Variants in DNAH5 observed in about 807,000 individuals in gnomAD.
The protein encoded by DNAH5 is axonemal beta dynein heavy chain 5.
In DNAH5, 372 loss-of-function variants were observed where a neutral mutation model predicts 518.2. The observed-to-expected ratio is 0.72, with a 90% confidence interval of 0.66 to 0.78. DNAH5 has a LOEUF of 0.78. Among genes scored for constraint, DNAH5 ranks in the 30% least tolerant of loss-of-function variants. DNAH5 has a pLI of 0.00. For synonymous variants in DNAH5, 2,039 were observed against 2,025.9 expected, an observed-to-expected ratio of 1.01 and a Z score of -0.17; for missense variants, 5,523 against 5,687.0, an observed-to-expected ratio of 0.97 and a Z score of 0.93.
intron 7 of DNAH5, among the ~76,000 whole-genome samples, chr5:13,918,398 T>C (rs1374292063): frequency 6.6e-6 from 1 of 152,078 alleles, no homozygotes; most frequent in African/African-American, 2.4e-5. Context: ...ATACCCAGAG[T>C]CAGAGGCACC....
In DNAH5 at chr5:13,756,469, G is replaced by T. The variant is rs555973726; in HGVS notation, c.10420-2131C>A. Among the ~76,000 whole-genome samples the T allele has an allele frequency of 2.1e-4, 32 of 152,262 alleles. No individual in the cohort carries two copies. The South Asian group carries it at 6.6e-3, about 32-fold the overall frequency. On this transcript the variant is annotated intron_variant, in intron 61 of 78. Transcript: ENST00000265104. The stretch of plus-strand genomic sequence containing the variant: ...ATAGCAGATGCTCAAAAACAATAAA[G>T]CTTGCTGAATGAGTTAAGGTAAAAA...
At chr5:13,934,995 G>A (rs1038116953) in intron 1 of DNAH5, among the ~76,000 whole-genome samples, 4 of 152,188 alleles carry the variant, frequency 2.6e-5, no homozygotes, top group Admixed American at 6.5e-5. Flanking sequence ...TTTTCTCTAA[G>A]TGATCACTCT....
Position 13,871,731 on chromosome 5 carries a change from TA to T in DNAH5, c.3430del (p.Tyr1144ThrfsTer36). The T allele has an allele frequency of 1.2e-6, 2 of 1,613,704 alleles. No homozygotes were observed. The highest frequency in any genetic ancestry group is 1.7e-6 in the Non-Finnish European group (2 of 1,179,746). On this transcript the variant is annotated frameshift_variant, in exon 23 of 79. Transcript: ENST00000265104. LOFTEE classifies it high-confidence loss of function. ...VITSMDCFKR[Y>X]NHIWQKGKEE... ...TTTTCCCTTTTGCCAAATGTGATTG[TA>T]GCGTTTGAAGCAATCCATGGATGTA...
chr5:13,887,683 C>G (rs1772625741), intron 17 of DNAH5, among the ~76,000 whole-genome samples: 1 of 152,214 alleles, frequency 6.6e-6, no homozygotes, highest in South Asian at 2.1e-4. Flanking sequence ...TTCACCCTTA[C>G]TCCCTGGTTC....
chr5:13,951,467 G>A lies in DNAH5; in HGVS notation c.13-20223C>T, dbSNP rs960045334. Among the ~76,000 whole-genome samples the A allele has an allele frequency of 5.3e-5, 8 of 151,852 alleles. No individual in the cohort carries two copies. The East Asian group carries it at 1.4e-3, about 26-fold the overall frequency. On this transcript the variant is annotated intron_variant, in intron 1 of 78. Transcript: ENST00000681290. ...ACTCCTGGACTCGAGCAATCCTCCC[G>A]CCTCAGCCTCCCGAGGTGCTGTGAT... is the stretch of plus-strand genomic sequence containing the variant.
At chr5:13,858,502 G>T (rs1001249914) in intron 30 of DNAH5, among the ~76,000 whole-genome samples, 1 of 152,042 alleles carries the variant, frequency 6.6e-6, no homozygotes, top group African/African-American at 2.4e-5. Context: ...AACCACCATG[G>T]CACCTGTATT....
At chr5:13,833,493 C>CAAT (rs1309670069) in intron 35 of DNAH5, among the ~76,000 whole-genome samples, 41 of 118,548 alleles carry the variant, frequency 3.5e-4, no homozygotes, top group Non-Finnish European at 8.7e-5. Context: ...ACAGTGATAG[C>CAAT]AAGAATAATA....
intron 1 of DNAH5, among the ~76,000 whole-genome samples, chr5:13,973,307 A>G (rs1450202797): frequency 6.6e-6 from 1 of 152,254 alleles, no homozygotes; most frequent in Non-Finnish European, 1.5e-5. Context: ...TTAGCCCGGT[A>G]AAACTGACTT....
At chr5:13,771,444 A>G (rs905501731) in intron 55 of DNAH5, among the ~76,000 whole-genome samples, 7 of 152,118 alleles carry the variant, frequency 4.6e-5, no homozygotes, top group African/African-American at 1.7e-4. Flanking sequence ...TCATCACTAA[A>G]TTTTTTTATG....
At position 13,706,219 on chromosome 5, in the gene DNAH5, C is replaced by G. The variant is rs1340767800; in HGVS notation, c.13338+1904G>C. 2.0e-5 allele frequency among the ~76,000 whole-genome samples: 3 copies of G among 152,200 alleles called. No individual in the cohort carries two copies. The East Asian group carries it at 5.8e-4, about 29-fold the overall frequency. On this transcript the variant is annotated intron_variant, in intron 76 of 78. Transcript: ENST00000265104. ...TTCATTCACATGCATAACTTGAGAT[C>G]TCAAAGGGGTGAATCCTGTTGCCTT...
intron 31 of DNAH5, among the ~76,000 whole-genome samples, chr5:13,845,656 C>G (rs1451875078): frequency 6.6e-6 from 1 of 152,050 alleles, no homozygotes; most frequent in Non-Finnish European, 1.5e-5. Flanking sequence ...TATGTGTATT[C>G]TGTTGTTTTC....
At chr5:13,778,458 C>T (rs540814552) in intron 53 of DNAH5, among the ~76,000 whole-genome samples, 13 of 104,234 alleles carry the variant, frequency 1.2e-4, no homozygotes, top group East Asian at 3.1e-4. Flanking sequence ...CTAGAAAGAA[C>T]GAAAGAGAGA....
chr5:13,976,663 T>C (rs904953955), intron 1 of DNAH5, among the ~76,000 whole-genome samples: 2 of 149,338 alleles, frequency 1.3e-5, no homozygotes, highest in Non-Finnish European at 3.0e-5. Context: ...GGTATGTATG[T>C]ATAGAAAAAA....
intron 1 of DNAH5, among the ~76,000 whole-genome samples, chr5:13,998,929 T>C (rs1177839844): frequency 6.6e-6 from 1 of 152,228 alleles, no homozygotes; most frequent in Non-Finnish European, 1.5e-5. Flanking sequence ...TGGAGTGCAG[T>C]GGCTCAATCT....
chr5:13,700,583 G>T, intron 78 of DNAH5, 57 bp downstream of exon 78: 1 of 1,472,658 alleles, frequency 6.8e-7, no homozygotes, highest in South Asian at 1.1e-5. Flanking sequence ...ATCCTGTGTT[G>T]ATAATGTCAT....
chr5:13,876,892 T>A lies in DNAH5; in HGVS notation c.3263-75A>T, dbSNP rs185797726. On this transcript the variant is annotated intron_variant, in intron 21 of 78. Coordinates refer to ENST00000265104, the MANE Select transcript of DNAH5 (RefSeq NM_001369.3). ...TACTTTCAGGAGATGAGGATATTTCTGTGATAGTAAAGCAAGGACTTCTGA... is the reference window on the plus strand; with the variant it reads ...TACTTTCAGGAGATGAGGATATTTCAGTGATAGTAAAGCAAGGACTTCTGA... 3.4e-6 allele frequency: 5 copies of A among 1,466,364 alleles called. No individual in the cohort carries two copies. The Admixed American group carries it at 9.0e-5, about 26-fold the overall frequency. 90.8% of individuals were successfully genotyped at this position (1,466,364 alleles called of 1,614,324 possible).
chr5:13,723,358 T>C (rs373228788), intron 70 of DNAH5, among the ~76,000 whole-genome samples: 2 of 152,334 alleles, frequency 1.3e-5, no homozygotes, highest in East Asian at 3.9e-4. Flanking sequence ...CATTCCACAG[T>C]TGCAGCTGTT....
chr5:13,957,522 A>G (rs1780841052), intron 1 of DNAH5, among the ~76,000 whole-genome samples: 1 of 152,118 alleles, frequency 6.6e-6, no homozygotes, highest in Non-Finnish European at 1.5e-5. Flanking sequence ...AAAATTTCCA[A>G]TTTAGACATT....
chr5:13,827,202 C>T (rs1762991679), intron 38 of DNAH5, among the ~76,000 whole-genome samples: 1 of 152,244 alleles, frequency 6.6e-6, no homozygotes, highest in South Asian at 2.1e-4. Flanking sequence ...AGTTTTGAAA[C>T]TTTGTGCCCA....
Sources: gnomAD v4.1 joint callset for allele counts (sites outside exome capture counted in the v4.1 genomes callset) on GRCh38, gnomAD v4.1.1 for gene constraint, MANE v1.5 for transcripts, NCBI Gene and HGNC (gene_info 2026-07-23, HGNC 2026-07-21) for gene names.